Variants in SMIM8 observed in about 807,000 individuals in gnomAD.
SMIM8 encodes the protein UPF0708 protein C6orf162.
SMIM8 carries 8 observed loss-of-function variants against 8.1 expected under a neutral mutation model. The ratio of observed to expected loss-of-function variants is 0.99; its 90% confidence interval spans 0.58 to 1.78. The LOEUF (loss-of-function observed/expected upper bound fraction) is 1.78. Ranked by LOEUF, SMIM8 falls within the 40% of genes most tolerant of loss-of-function variation. SMIM8 has a pLI of 0.00. For synonymous variants in SMIM8, 45 were observed against 39.7 expected, an observed-to-expected ratio of 1.13 and a Z score of -0.50; for missense variants, 126 against 119.8, an observed-to-expected ratio of 1.05 and a Z score of -0.24.
At chr6:87,339,325 CGTGTGTGTGTGT>C (rs59321615) in intron 3 of SMIM8, among the ~76,000 whole-genome samples, 3,985 of 124,136 alleles carry the variant, frequency 0.032, 120 homozygotes, top group African/African-American at 0.082. Context: ...CAAAACACAG[CGTGTGTGTGTGT>C]GTGTGTGTGT....
intron 1 of SMIM8, among the ~76,000 whole-genome samples, chr6:87,325,152 TAAG>T (rs927650742): frequency 2.6e-5 from 4 of 152,200 alleles, no homozygotes; most frequent in Non-Finnish European, 5.9e-5. Flanking sequence ...CTTATCAGCT[TAAG>T]GAGATGTTGG....
At chr6:87,332,344 A>ATATATATATATATATATAT (rs1490339070) in intron 2 of SMIM8, among the ~76,000 whole-genome samples, 2 of 143,348 alleles carry the variant, frequency 1.4e-5, no homozygotes, top group African/African-American at 5.3e-5. Flanking sequence ...TATATATATA[A>ATATATATATATATATATAT]ATGACAGCAG....
intron 1 of SMIM8, 65 bp from the exon 2 acceptor site, chr6:87,330,627 G>A (rs984514112): frequency 2.0e-5 from 3 of 152,130 alleles, no homozygotes; most frequent in Non-Finnish European, 4.4e-5. Context: ...CTCTCATGGA[G>A]TTGGGTAAAC....
At chr6:87,339,325 CGTGTGT>C (rs59321615) in intron 3 of SMIM8, among the ~76,000 whole-genome samples, 9,704 of 123,980 alleles carry the variant, frequency 0.078, 511 homozygotes, top group African/African-American at 0.14. Context: ...CAAAACACAG[CGTGTGT>C]GTGTGTGTGT....
At chr6:87,326,196 G>T (rs1428078620) in intron 1 of SMIM8, among the ~76,000 whole-genome samples, 3 of 152,048 alleles carry the variant, frequency 2.0e-5, no homozygotes, top group Non-Finnish European at 2.9e-5. Flanking sequence ...TATCAATTTT[G>T]TTGATCCGTT....
At chr6:87,323,727 A>G (rs567522634) in intron 1 of SMIM8, among the ~76,000 whole-genome samples, 6 of 152,252 alleles carry the variant, frequency 3.9e-5, no homozygotes, top group South Asian at 2.1e-4. Context: ...TAATGCCGCA[A>G]TAAACATACG....
intron 2 of SMIM8, among the ~76,000 whole-genome samples, chr6:87,336,735 CA>C (rs111810048): frequency 0.017 from 2,534 of 152,236 alleles, 69 homozygotes; most frequent in African/African-American, 0.057. Flanking sequence ...CTCAGAGCAA[CA>C]AACAATTCTC....
In SMIM8 at chr6:87,332,320, C is replaced by CATATAT. The variant is rs1209129014; in HGVS notation, c.-24+1609_-24+1614dup. Reference sequence around the variant, plus strand: ...TCTTTCTCCTCCTCTCCTCCCCCCCCATATATGTATATATATATATATAAA... The same window carrying CATATAT: ...TCTTTCTCCTCCTCTCCTCCCCCCCCATATATATATATGTATATATATATATATAAA... On this transcript the variant is annotated intron_variant, in intron 2 of 3. Transcript: ENST00000392863. Among the ~76,000 whole-genome samples, 595 of 93,096 alleles carry CATATAT rather than the reference C, an allele frequency of 6.4e-3. 10 individuals carry two copies. The highest frequency in any genetic ancestry group is 0.025 in the African/African-American group (565 of 22,612). The allele number at this position is 93,096 out of a possible 152,430, so 61.1% of individuals were successfully genotyped here. A position where few individuals can be genotyped will look rare whatever the true frequency, so the allele number is the denominator to read the frequency against.
At chr6:87,326,102 C>T (rs570431563) in intron 1 of SMIM8, among the ~76,000 whole-genome samples, 88 of 152,200 alleles carry the variant, frequency 5.8e-4, no homozygotes, top group Middle Eastern at 3.4e-3. Context: ...TCTGTGGGAT[C>T]GGTGGTGATA....
Position 87,340,954 on chromosome 6 carries a change from A to T in SMIM8, c.*680A>T. On this transcript the variant is annotated 3_prime_UTR_variant, in exon 4 of 4. Coordinates refer to ENST00000392863, the MANE Select transcript of SMIM8 (RefSeq NM_001042493.3). ...AGTTTTTCTTTAAAAAAAAAAAAAA[A>T]GTATGTTTTACTGAGGTATGATGAT... 1.1e-5 allele frequency: 2 copies of T among 187,982 alleles called. No individual in the cohort carries two copies. Among genetic ancestry groups the T allele is most frequent in the Non-Finnish European group, 2.1e-5 (2 of 94,330 alleles). 11.6% of individuals were successfully genotyped at this position (187,982 alleles called of 1,614,324 possible). A position where few individuals can be genotyped will look rare whatever the true frequency, so the allele number is the denominator to read the frequency against.
Position 87,340,210 on chromosome 6 carries a change from T to G in SMIM8, c.230T>G (p.Leu77Arg). 6.2e-7 allele frequency: 1 copy of G among 1,611,994 alleles called. No individual in the cohort carries two copies. Among genetic ancestry groups the G allele is most frequent in the East Asian group, 2.2e-5 (1 of 44,766 alleles). Residue 77 changes from leucine to arginine, a missense_variant, in exon 4 of 4, where the codon CTC (leucine) becomes CGC (arginine). Transcript: ENST00000392863. ...LHAIQENKKD[L>R]YEAIDSEGHS... ...GCAATACAAGAGAATAAAAAGGACC[T>G]CTATGAAGCTATTGATAGTGAGGGG...
rs1461519975 is a variant in SMIM8 at position 87,341,037 on chromosome 6, TTTTG to T, written c.*767_*770del. 6 of 361,504 alleles carry T rather than the reference TTTTG, an allele frequency of 1.7e-5. No individual in the cohort carries two copies. The highest frequency in any genetic ancestry group is 2.9e-5 in the Non-Finnish European group (6 of 203,870). 22.4% of individuals were successfully genotyped at this position (361,504 alleles called of 1,614,324 possible). On this transcript the variant is annotated 3_prime_UTR_variant, in exon 4 of 4. Coordinates refer to ENST00000392863, the MANE Select transcript of SMIM8 (RefSeq NM_001042493.3). ...GTTTATGTTAATTAATGTTAATTAATTTTGTTTATGTTAATTTGTGTTAATTAAT... is the reference window on the plus strand; with the variant it reads ...GTTTATGTTAATTAATGTTAATTAATTTTATGTTAATTTGTGTTAATTAAT...
intron 1 of SMIM8, among the ~76,000 whole-genome samples, chr6:87,327,155 G>T (rs1233871776): frequency 6.6e-6 from 1 of 150,694 alleles, no homozygotes; most frequent in Non-Finnish European, 1.5e-5. Context: ...TTGAGCCTAT[G>T]TGTGTCTCTG....
chr6:87,330,177 A>T (rs1776962060), intron 1 of SMIM8, among the ~76,000 whole-genome samples: 1 of 152,202 alleles, frequency 6.6e-6, no homozygotes, highest in Admixed American at 6.5e-5. Context: ...AAGTATTAAG[A>T]TAATGTGGCA....
At position 87,328,210 on chromosome 6, in the gene SMIM8, G is replaced by A. The variant is rs934355338; in HGVS notation, c.-44-2482G>A. ...TTGCCTTTGGTTTGAATTTCCTCCCGTAGCTCGGAATAATTTGATCGTGTG... is the reference window on the plus strand; with the variant it reads ...TTGCCTTTGGTTTGAATTTCCTCCCATAGCTCGGAATAATTTGATCGTGTG... On this transcript the variant is annotated intron_variant, in intron 1 of 3. Coordinates refer to ENST00000392863, the MANE Select transcript of SMIM8 (RefSeq NM_001042493.3). Among the ~76,000 whole-genome samples, 7 of 152,154 alleles carry A rather than the reference G, an allele frequency of 4.6e-5. No homozygotes were observed. In the East Asian group the frequency reaches 7.7e-4, roughly 17 times the overall value.
chr6:87,330,960 C>T (rs1003623370), intron 2 of SMIM8: 8 of 152,156 alleles, frequency 5.3e-5, no homozygotes, highest in African/African-American at 1.9e-4. Context: ...GGTAGGCCCG[C>T]ACACAAATTA....
chr6:87,335,616 A>G (rs1403049381), intron 2 of SMIM8, among the ~76,000 whole-genome samples: 8 of 152,184 alleles, frequency 5.3e-5, no homozygotes, highest in Non-Finnish European at 1.0e-4. Context: ...GTATTTTGAA[A>G]AGCCAAGTTC....
In SMIM8 at chr6:87,341,057, G is replaced by T; in HGVS notation, c.*783G>T. The T allele has an allele frequency of 2.7e-6, 1 of 376,088 alleles. No homozygotes were observed. Among genetic ancestry groups the T allele is most frequent in the Non-Finnish European group, 4.7e-6 (1 of 212,780 alleles). 23.3% of individuals were successfully genotyped at this position (376,088 alleles called of 1,614,324 possible). On this transcript the variant is annotated 3_prime_UTR_variant, in exon 4 of 4. Coordinates refer to ENST00000392863, the MANE Select transcript of SMIM8 (RefSeq NM_001042493.3). ...ATTAATTTTGTTTATGTTAATTTGTGTTAATTAATGTTACTGTAATGTTAT... is the reference window on the plus strand; with the variant it reads ...ATTAATTTTGTTTATGTTAATTTGTTTTAATTAATGTTACTGTAATGTTAT...
At chr6:87,338,036 T>G (rs173333) in intron 3 of SMIM8, among the ~76,000 whole-genome samples, 65,923 of 152,098 alleles carry the variant, frequency 0.43, 14,636 homozygotes, top group Non-Finnish European at 0.48. Flanking sequence ...AGAATTTTAG[T>G]AACATAGTTA....
Sources: allele counts gnomAD v4.1 joint callset (sites outside exome capture counted in the v4.1 genomes callset), GRCh38; gene constraint gnomAD v4.1.1; transcripts MANE v1.5; gene names NCBI Gene and HGNC (gene_info 2026-07-23, HGNC 2026-07-21).